Variants in TEX36 observed in about 807,000 individuals in gnomAD.
TEX36 encodes testis expressed 36.
A neutral mutation model predicts 13.6 loss-of-function variants in TEX36; 12 were observed. The ratio of observed to expected loss-of-function variants is 0.88; its 90% confidence interval spans 0.56 to 1.43. The LOEUF is 1.43. Ranked by LOEUF, TEX36 falls within the 40% of genes most tolerant of loss-of-function variation. TEX36 has a pLI of 0.00. For missense variants in TEX36, 224 were observed against 228.3 expected (o/e 0.98, Z 0.12); for synonymous variants, 93 against 83.0 (o/e 1.12, Z -0.65).
chr10:125,598,775 C>T (rs1239519978), intron 3 of TEX36, among the ~76,000 whole-genome samples: 1 of 152,190 alleles, frequency 6.6e-6, no homozygotes, highest in Non-Finnish European at 1.5e-5. Context: ...TCAAAATCAT[C>T]TCAACAGTAA....
At position 125,596,738 on chromosome 10, in the gene TEX36, C is replaced by T. The variant is rs966648019; in HGVS notation, c.265-19864G>A. On this transcript the variant is annotated intron_variant, in intron 3 of 3. Transcript: ENST00000532135. ...TAGATGCTGAGAGAGCATTCAACCA[C>T]CTGCATGAGAAATCAGCAGATAGGC... 5.9e-5 allele frequency among the ~76,000 whole-genome samples: 9 copies of T among 152,316 alleles called. No homozygotes were observed. The South Asian group carries it at 1.5e-3, about 25-fold the overall frequency.
intron 3 of TEX36, among the ~76,000 whole-genome samples, chr10:125,601,743 G>C (rs536878869): frequency 1.3e-5 from 2 of 152,304 alleles, no homozygotes; most frequent in East Asian, 3.9e-4. Context: ...TTTTATATCT[G>C]AGTTGTGACC....
chr10:125,576,658 TAAG>T, exon 4 of TEX36: 1 of 1,475,394 alleles, frequency 6.8e-7, no homozygotes, highest in Non-Finnish European at 9.1e-7. Context: ...CTAGCTAGGC[TAAG>T]ACAAAAGGTC....
intron 3 of TEX36, among the ~76,000 whole-genome samples, chr10:125,633,299 C>A (rs1426835925): frequency 6.6e-6 from 1 of 152,132 alleles, no homozygotes; most frequent in Non-Finnish European, 1.5e-5. Context: ...CCGTAGGGAT[C>A]AACATCTCTC....
At chr10:125,677,024 C>T (rs1847323537) in intron 1 of TEX36, among the ~76,000 whole-genome samples, 1 of 152,182 alleles carries the variant, frequency 6.6e-6, no homozygotes, top group Non-Finnish European at 1.5e-5. Context: ...AATATATCAT[C>T]CTATTGTCTT....
chr10:125,663,697 CTTTTTTAAA>C (rs1339641566), intron 1 of TEX36, among the ~76,000 whole-genome samples: 5 of 151,904 alleles, frequency 3.3e-5, no homozygotes, highest in African/African-American at 1.2e-4. Flanking sequence ...TATATGTCTC[CTTTTTTAAA>C]TTTTTTAAAT....
chr10:125,594,453 C>G lies in TEX36; in HGVS notation c.265-17579G>C, dbSNP rs573992473. ...TTGAGCTCTCATATACTCAGCAACA[C>G]AGCTTCAAGATAGTGGAAGCAGCTG... On this transcript the variant is annotated intron_variant, in intron 3 of 3. Transcript: ENST00000532135. Among the ~76,000 whole-genome samples, 4 of 152,318 alleles carry G rather than the reference C, an allele frequency of 2.6e-5. No individual in the cohort carries two copies. The East Asian group carries it at 7.7e-4, about 29-fold the overall frequency.
Position 125,613,916 on chromosome 10 carries a change from G to A in TEX36, c.265-37042C>T, listed in dbSNP as rs193176505. On this transcript the variant is annotated intron_variant, in intron 3 of 3. Transcript: ENST00000532135. Reference sequence around the variant, plus strand: ...CCACCAACAGTGTAAAAGTGTTCCAGTTTCTCCACATCCTCTCCAACACCT... The same window carrying A: ...CCACCAACAGTGTAAAAGTGTTCCAATTTCTCCACATCCTCTCCAACACCT... Among the ~76,000 whole-genome samples the A allele has an allele frequency of 1.3e-3, 203 of 152,236 alleles. 1 individual carries two copies. Among genetic ancestry groups the A allele is most frequent in the African/African-American group, 4.6e-3 (190 of 41,544 alleles).
chr10:125,647,495 G>C (rs566050560), intron 3 of TEX36, among the ~76,000 whole-genome samples: 1 of 152,092 alleles, frequency 6.6e-6, no homozygotes, highest in Non-Finnish European at 1.5e-5. Flanking sequence ...TAAGCAAAGA[G>C]GAACAAAAAA....
chr10:125,660,358 C>T (rs1847014860), intron 3 of TEX36, among the ~76,000 whole-genome samples: 1 of 152,186 alleles, frequency 6.6e-6, no homozygotes, highest in African/African-American at 2.4e-5. Context: ...CTCCTGACCT[C>T]AAGTGATCCT....
At chr10:125,669,451 G>A (rs1847185167) in intron 1 of TEX36, among the ~76,000 whole-genome samples, 1 of 151,850 alleles carries the variant, frequency 6.6e-6, no homozygotes, top group Non-Finnish European at 1.5e-5. Flanking sequence ...TTGCACTCCA[G>A]CCTGGGCAAC....
chr10:125,683,029 C>T lies in TEX36; in HGVS notation c.-40G>A, dbSNP rs1847421846. The T allele has an allele frequency of 1.3e-6, 2 of 1,550,482 alleles. No homozygotes were observed. The highest frequency in any genetic ancestry group is 2.0e-5 in the Admixed American group (1 of 51,006). On this transcript the variant is annotated 5_prime_UTR_variant, in exon 1 of 4. The change abolishes the stop of an existing upstream ORF in the 5' untranslated region. Transcript: ENST00000368821. ...TGAATGTGGCTGAGATTGGCTCCCT[C>T]ACCTCTCCATAAGCTCTACATGTCT...
intron 1 of TEX36, among the ~76,000 whole-genome samples, chr10:125,669,884 A>C (rs1022444181): frequency 6.6e-6 from 1 of 152,242 alleles, no homozygotes; most frequent in Non-Finnish European, 1.5e-5. Flanking sequence ...TTTGCTGAAG[A>C]TAATGGCCTC....
At chr10:125,608,804 C>T (rs562510382) in intron 3 of TEX36, among the ~76,000 whole-genome samples, 13 of 151,806 alleles carry the variant, frequency 8.6e-5, no homozygotes, top group South Asian at 2.1e-4. Flanking sequence ...AGGATATTAA[C>T]GGTATGTTAG....
intron 3 of TEX36, among the ~76,000 whole-genome samples, chr10:125,584,196 A>T (rs1845916886): frequency 6.6e-6 from 1 of 152,232 alleles, no homozygotes; most frequent in Non-Finnish European, 1.5e-5. Flanking sequence ...GACTAGGGCC[A>T]CCTGAAAGAC....
rs1398830733 is a variant in TEX36 at position 125,612,558 on chromosome 10, T to A, written c.265-35684A>T. The stretch of plus-strand genomic sequence containing the variant: ...ACACATTACTATGTATATAGCTTTA[T>A]GGCTACACATTTATATCCTATCCAG... On this transcript the variant is annotated intron_variant, in intron 3 of 3. Transcript: ENST00000532135. Among the ~76,000 whole-genome samples the A allele has an allele frequency of 2.0e-5, 3 of 152,214 alleles. No homozygotes were observed. The East Asian group carries it at 5.8e-4, about 29-fold the overall frequency.
chr10:125,620,612 A>T (rs535383176), downstream of TEX36, among the ~76,000 whole-genome samples: 6 of 152,256 alleles, frequency 3.9e-5, no homozygotes, highest in South Asian at 1.0e-3. Flanking sequence ...TCACAAGTCA[A>T]TTTTTTTTAA....
chr10:125,591,493 T>A (rs540561611), intron 3 of TEX36, among the ~76,000 whole-genome samples: 29 of 152,292 alleles, frequency 1.9e-4, no homozygotes, highest in African/African-American at 7.0e-4. Context: ...GCTGGCAGGA[T>A]CCACACACTA....
At chr10:125,672,849 T>C (rs1363890445) in intron 1 of TEX36, among the ~76,000 whole-genome samples, 1 of 152,226 alleles carries the variant, frequency 6.6e-6, no homozygotes, top group Non-Finnish European at 1.5e-5. Context: ...TTAGCTCTTC[T>C]TGTTGAATTG....
Sources: allele counts gnomAD v4.1 joint callset (sites outside exome capture counted in the v4.1 genomes callset), GRCh38; gene constraint gnomAD v4.1.1; transcripts MANE v1.5; gene names NCBI Gene and HGNC (gene_info 2026-07-23, HGNC 2026-07-21).